INAVA: variants seen among roughly 807,000 people sequenced by gnomAD.
INAVA encodes the protein innate immunity activator.
A neutral mutation model predicts 55.3 loss-of-function variants in INAVA; 32 were observed. The observed-to-expected ratio is 0.58, with a 90% CI of 0.44 to 0.78. INAVA has a LOEUF of 0.78. Ranked by LOEUF, INAVA falls within the 30% of genes least tolerant of loss-of-function variation. The pLI is 0.00. For synonymous variants in INAVA, 294 were observed against 329.4 expected, an observed-to-expected ratio of 0.89 and a Z score of 1.16; for missense variants, 756 against 786.4, an observed-to-expected ratio of 0.96 and a Z score of 0.46.
intron 5 of INAVA, 97 bp downstream of exon 5, chr1:200,901,256 C>T (rs1383444546): frequency 8.1e-7 from 1 of 1,228,080 alleles, no homozygotes; most frequent in African/African-American, 1.5e-5. Flanking sequence ...CATTTGGCTC[C>T]AGCTGGGTAA....
chr1:200,905,783 G>A (rs984328843), intron 5 of INAVA, among the ~76,000 whole-genome samples: 9 of 152,170 alleles, frequency 5.9e-5, no homozygotes, highest in African/African-American at 2.2e-4. Flanking sequence ...CTGGGCCATA[G>A]TTTGCTAACC....
intron 8 of INAVA, among the ~76,000 whole-genome samples, chr1:200,910,726 C>T (rs1304240334): frequency 6.6e-6 from 1 of 152,216 alleles, no homozygotes; most frequent in Non-Finnish European, 1.5e-5. Flanking sequence ...GGATTACAGG[C>T]GTCCGCCACC....
chr1:200,909,260 C>G lies in INAVA; in HGVS notation c.822C>G (p.Ala274=), dbSNP rs2102314049. ...PATTPQDGPS[A]SSLWLLEPAS... ...CCACACCACAGGATGGGCCCAGTGC[C>G]TCCAGCCTGTGGCTTCTGGAGCCTG... is the stretch of plus-strand genomic sequence containing the variant. The change falls in exon 8 of 10, where the codon GCC becomes GCG. Residue 274 remains alanine (A), a synonymous_variant. Transcript: ENST00000413687. 1 of 1,605,718 alleles carries G rather than the reference C, an allele frequency of 6.2e-7. No homozygotes were observed. The highest frequency in any genetic ancestry group is 2.2e-5 in the East Asian group (1 of 44,528).
intron 9 of INAVA, 40 bp downstream of exon 9, chr1:200,912,177 G>A (rs1262603466): frequency 2.0e-6 from 3 of 1,508,946 alleles, no homozygotes; most frequent in Non-Finnish European, 2.7e-6. Context: ...CAGGCAGGAG[G>A]GCTGTTTTGT....
intron 5 of INAVA, among the ~76,000 whole-genome samples, 186 bp downstream of exon 5, chr1:200,901,345 C>G (rs2102305787): frequency 6.6e-6 from 1 of 152,368 alleles, no homozygotes; most frequent in East Asian, 1.9e-4. Flanking sequence ...GTGAGGTCTT[C>G]TTCTCCGTCT....
At chr1:200,909,894 C>G (rs1264651008) in intron 8 of INAVA, among the ~76,000 whole-genome samples, 2 of 152,138 alleles carry the variant, frequency 1.3e-5, no homozygotes, top group Admixed American at 6.5e-5. Flanking sequence ...AATATATAAC[C>G]TTATGTTATG....
At chr1:200,896,675 TA>T (rs1378683524) in intron 1 of INAVA, among the ~76,000 whole-genome samples, 15 of 152,264 alleles carry the variant, frequency 9.9e-5, no homozygotes, top group Non-Finnish European at 1.5e-4. Context: ...GTTGTTTATG[TA>T]GGTCTATAAA....
Position 200,909,255 on chromosome 1 carries a change from A to G in INAVA, c.817A>G (p.Ser273Gly). Residue 273 changes from serine (S) to glycine (G), a missense_variant, in exon 8 of 10, where the codon AGT becomes GGT. Physicochemically the swap from Ser to Gly is moderately conservative, Grantham distance 56. Coordinates refer to ENST00000413687, the MANE Select transcript of INAVA (RefSeq NM_001142569.3). ...SPATTPQDGPSASSLWLLEPA... is the reference protein window; with the variant it reads ...SPATTPQDGPGASSLWLLEPA... ...AGCCACCACACCACAGGATGGGCCC[A>G]GTGCCTCCAGCCTGTGGCTTCTGGA... 1 of 1,599,504 alleles carries G rather than the reference A, an allele frequency of 6.3e-7. No individual in the cohort carries two copies. Among genetic ancestry groups the G allele is most frequent in the Non-Finnish European group, 8.5e-7 (1 of 1,171,148 alleles).
chr1:200,908,708 C>T (rs773900531), intron 6 of INAVA, 22 bp from the exon 7 acceptor site: 11 of 1,526,288 alleles, frequency 7.2e-6, no homozygotes, highest in South Asian at 1.3e-5. Flanking sequence ...CTGGCCTTAC[C>T]AGGTTTCTTT....
At chr1:200,904,134 G>T (rs1202434850) in intron 5 of INAVA, among the ~76,000 whole-genome samples, 4 of 151,460 alleles carry the variant, frequency 2.6e-5, no homozygotes, top group African/African-American at 9.7e-5. Flanking sequence ...TCTCATCCAG[G>T]CTGGAGTGCA....
At chr1:200,911,134 TA>T (rs66499924) in intron 8 of INAVA, among the ~76,000 whole-genome samples, 35 of 18,946 alleles carry the variant, frequency 1.8e-3, no homozygotes, top group East Asian at 0.014. Context: ...TGTAGTACTT[TA>T]AAAAAAGTAC....
In INAVA at chr1:200,901,094, G is replaced by A. The variant is rs141815054; in HGVS notation, c.455G>A (p.Arg152His). 1,872 of 1,537,608 alleles carry A rather than the reference G, an allele frequency of 1.2e-3. 16 individuals carry two copies. Among genetic ancestry groups the A allele is most frequent in the East Asian group, 3.5e-3 (145 of 40,860 alleles). The stretch of plus-strand genomic sequence containing the variant: ...GAGAAGAAGCTGCAGGAGCTCCAGC[G>A]CTGCCTGGTCGAGCGGCGGCGCAAT... ...QEEKKLQELQ[R>H]CLVERRRNSE... The change falls in exon 5 of 10, where the codon CGC (arginine) becomes CAC (histidine). Residue 152 changes from arginine (R) to histidine (H), a missense_variant. Transcript: ENST00000413687.
chr1:200,896,629 G>A (rs572595386), intron 1 of INAVA, among the ~76,000 whole-genome samples: 2 of 152,336 alleles, frequency 1.3e-5, no homozygotes, highest in Admixed American at 6.5e-5. Flanking sequence ...TGCTTTCAGG[G>A]CTTTGTGTTT....
chr1:200,900,539 G>C (rs1653199557), intron 4 of INAVA, among the ~76,000 whole-genome samples: 2 of 152,204 alleles, frequency 1.3e-5, no homozygotes, highest in South Asian at 4.1e-4. Flanking sequence ...CTGGCCCCTA[G>C]GGCTGTCCTC....
chr1:200,908,143 C>T (rs1261182602), intron 6 of INAVA: 3 of 407,154 alleles, frequency 7.4e-6, no homozygotes, highest in Non-Finnish European at 4.5e-6. Context: ...TCCAAGAGAG[C>T]TGATCAACCC....
intron 2 of INAVA, among the ~76,000 whole-genome samples, chr1:200,898,989 T>C (rs1471136344): frequency 6.6e-6 from 1 of 152,160 alleles, no homozygotes; most frequent in Non-Finnish European, 1.5e-5. Flanking sequence ...AAAAAAAATA[T>C]ATCATCTGGC....
chr1:200,897,671 C>T (rs1242434167), intron 1 of INAVA, among the ~76,000 whole-genome samples: 10 of 151,970 alleles, frequency 6.6e-5, no homozygotes, highest in Non-Finnish European at 1.3e-4. Flanking sequence ...CTCTGTTGTC[C>T]AGGCTGGAGT....
intron 5 of INAVA, among the ~76,000 whole-genome samples, chr1:200,901,990 T>C (rs1355661473): frequency 6.6e-6 from 1 of 152,170 alleles, no homozygotes; most frequent in East Asian, 1.9e-4. Context: ...GGTCAGGACT[T>C]GCATCTCTCC....
At chr1:200,900,868 C>A in intron 4 of INAVA, 69 bp from the exon 5 acceptor site, 1 of 1,247,202 alleles carries the variant, frequency 8.0e-7, no homozygotes, top group Non-Finnish European at 1.1e-6. Flanking sequence ...TGTGTCAGGG[C>A]TGCTGTCCAC....
Sources: allele counts gnomAD v4.1 joint callset (sites outside exome capture counted in the v4.1 genomes callset), GRCh38; gene constraint gnomAD v4.1.1; transcripts MANE v1.5; gene names NCBI Gene and HGNC (gene_info 2026-07-23, HGNC 2026-07-21).